Variants in ULK4 observed in about 807,000 individuals in gnomAD.
ULK4 encodes the protein inactive serine/threonine-protein kinase ULK4.
ULK4 carries 133 observed loss-of-function variants against 160.6 expected under a neutral mutation model. That is an observed-to-expected ratio of 0.83 (90% CI 0.72 to 0.96). The LOEUF is 0.96. Among genes scored for constraint, ULK4 ranks in the 40% least tolerant of loss-of-function variants. ULK4 has a pLI of 0.00. For missense variants in ULK4, 1,580 were observed against 1,499.5 expected (o/e 1.05, Z -0.89); for synonymous variants, 534 against 539.8 (o/e 0.99, Z 0.15).
chr3:41,886,376 A>C (rs1697721023), intron 16 of ULK4, among the ~76,000 whole-genome samples: 1 of 152,188 alleles, frequency 6.6e-6, no homozygotes, highest in Non-Finnish European at 1.5e-5. Flanking sequence ...CAGTTTGTTG[A>C]ATAAATATAT....
rs1027694010 is a variant in ULK4, at chr3:41,898,461, G to C, written c.1319C>G (p.Ala440Gly). ...ATATGTTGGTAGATGCAATATTTTT[G>C]CATCAAATTTAACTGGTGGCTGTTT... ...IMKQPPVKFD[A>G]KILHLPTYSV... Residue 440 changes from alanine (A) to glycine (G), a missense_variant, in exon 14 of 37, where the codon GCA becomes GGA. Transcript: ENST00000301831. 1 of 1,598,386 alleles carries C rather than the reference G, an allele frequency of 6.3e-7. No homozygotes were observed.
chr3:41,269,289 T>C (rs2079098944), intron 35 of ULK4, among the ~76,000 whole-genome samples: 1 of 151,932 alleles, frequency 6.6e-6, no homozygotes, highest in South Asian at 2.1e-4. Context: ...TGCAAATCCA[T>C]GAAAGGAATA....
chr3:41,635,166 A>T (rs1311736617), intron 30 of ULK4, among the ~76,000 whole-genome samples: 3 of 152,192 alleles, frequency 2.0e-5, no homozygotes, highest in Non-Finnish European at 4.4e-5. Context: ...TAGTATCCCC[A>T]AGCCTATTTT....
At position 41,246,673 on chromosome 3, in the gene ULK4, A is replaced by G; in HGVS notation, c.*256T>C. The G allele has an allele frequency of 2.1e-6, 1 of 470,184 alleles. No homozygotes were observed. The highest frequency in any genetic ancestry group is 3.9e-6 in the Non-Finnish European group (1 of 259,530). 29.1% of individuals were successfully genotyped at this position (470,184 alleles called of 1,614,324 possible). ...CCACCTGGCCCACACAGAGAGGGAA[A>G]GAACATTTCTGAGAACAGCTAACAA... On this transcript the variant is annotated 3_prime_UTR_variant, in exon 37 of 37. Coordinates refer to ENST00000301831, the MANE Select transcript of ULK4 (RefSeq NM_017886.4).
chr3:41,684,431 TTA>T (rs1290428050), intron 27 of ULK4, among the ~76,000 whole-genome samples: 2 of 152,216 alleles, frequency 1.3e-5, no homozygotes, highest in African/African-American at 2.4e-5. Context: ...TCATCTTATT[TTA>T]TGTCTTTGAG....
intron 1 of ULK4, chr3:41,955,761 T>A (rs1200293343): frequency 6.9e-6 from 1 of 144,852 alleles, no homozygotes; most frequent in African/African-American, 2.6e-5. Context: ...AAAGAAGGAC[T>A]GAGGCCCCAT....
At chr3:41,489,055 T>C (rs1014520237) in intron 32 of ULK4, among the ~76,000 whole-genome samples, 1 of 151,720 alleles carries the variant, frequency 6.6e-6, no homozygotes, top group African/African-American at 2.4e-5. Flanking sequence ...CCCCTGACCC[T>C]CAGTTTATCC....
intron 6 of ULK4, among the ~76,000 whole-genome samples, chr3:41,918,768 A>AT (rs769224235): frequency 1.4e-4 from 22 of 151,734 alleles, no homozygotes; most frequent in Admixed American, 1.2e-3. Flanking sequence ...CGCCCAGCTA[A>AT]TTTTTTGTAT....
intron 34 of ULK4, among the ~76,000 whole-genome samples, chr3:41,433,928 T>C (rs544546039): frequency 3.1e-4 from 47 of 152,240 alleles, no homozygotes; most frequent in African/African-American, 1.1e-3. Context: ...TTCACCATGT[T>C]AGTCAGGATG....
At chr3:41,937,511 G>A (rs1477460481) in intron 3 of ULK4, among the ~76,000 whole-genome samples, 1 of 149,658 alleles carries the variant, frequency 6.7e-6, no homozygotes, top group East Asian at 1.9e-4. Context: ...TACACTAACA[G>A]TAATACCTAT....
At chr3:41,742,240 C>A (rs1381010420) in intron 22 of ULK4, among the ~76,000 whole-genome samples, 7 of 151,968 alleles carry the variant, frequency 4.6e-5, no homozygotes, top group Non-Finnish European at 1.0e-4. Flanking sequence ...AATATTCCAT[C>A]CCCTGCAAAG....
chr3:41,773,805 T>G lies in ULK4; in HGVS notation c.2193+15856A>C, dbSNP rs2039500090. Among the ~76,000 whole-genome samples, 4 of 152,158 alleles carry G rather than the reference T, an allele frequency of 2.6e-5. No individual in the cohort carries two copies. In the South Asian group the frequency reaches 8.3e-4, roughly 32 times the overall value. Reference sequence around the variant, plus strand: ...AAGAACAAAGCTGGAGGCATCACGCTACCTGACTTCAAACTATACTACAAG... The same window carrying G: ...AAGAACAAAGCTGGAGGCATCACGCGACCTGACTTCAAACTATACTACAAG... On this transcript the variant is annotated intron_variant, in intron 21 of 36. Transcript: ENST00000301831.
At chr3:41,854,194 A>G (rs2042281049) in intron 17 of ULK4, 1 of 152,268 alleles carries the variant, frequency 6.6e-6, no homozygotes, top group Admixed American at 6.5e-5. Context: ...AGAGGACAGA[A>G]TCTAAAAGCT....
At chr3:41,317,116 C>T (rs993258444) in intron 35 of ULK4, among the ~76,000 whole-genome samples, 4 of 140,070 alleles carry the variant, frequency 2.9e-5, no homozygotes, top group African/African-American at 8.2e-5. Flanking sequence ...TCGCCCAGGC[C>T]GGACTGCGGA....
At chr3:41,772,823 A>G (rs1359877821) in intron 21 of ULK4, among the ~76,000 whole-genome samples, 1 of 152,214 alleles carries the variant, frequency 6.6e-6, no homozygotes, top group Non-Finnish European at 1.5e-5. Flanking sequence ...AATCCTCAAT[A>G]AAATACTGAC....
At chr3:41,748,283 T>C (rs555568259) in intron 22 of ULK4, among the ~76,000 whole-genome samples, 2 of 150,734 alleles carry the variant, frequency 1.3e-5, no homozygotes, top group African/African-American at 4.9e-5. Context: ...ACGATATATA[T>C]TATATATATA....
At chr3:41,502,166 A>C (rs1212361231) in intron 32 of ULK4, among the ~76,000 whole-genome samples, 1 of 152,248 alleles carries the variant, frequency 6.6e-6, no homozygotes, top group Non-Finnish European at 1.5e-5. Context: ...ATGGGAATGC[A>C]AATGTATCTT....
chr3:41,502,784 G>A (rs1324190982), intron 32 of ULK4, among the ~76,000 whole-genome samples: 1 of 152,162 alleles, frequency 6.6e-6, no homozygotes, highest in Admixed American at 6.5e-5. Flanking sequence ...CCCAGGAAGT[G>A]GGAGGGGTTG....
At chr3:41,515,561 G>A (rs75043178) in intron 32 of ULK4, among the ~76,000 whole-genome samples, 8,230 of 152,132 alleles carry the variant, frequency 0.054, 702 homozygotes, top group African/African-American at 0.19. Flanking sequence ...GTCATGGCTG[G>A]GGAGGCCTCA....
Sources: allele counts gnomAD v4.1 joint callset (sites outside exome capture counted in the v4.1 genomes callset), GRCh38; gene constraint gnomAD v4.1.1; transcripts MANE v1.5; gene names NCBI Gene and HGNC (gene_info 2026-07-23, HGNC 2026-07-21).